Variants in OSBPL9 observed in about 807,000 individuals in gnomAD.
OSBPL9 encodes oxysterol binding protein like 9.
In OSBPL9, 40 loss-of-function variants were observed where a neutral mutation model predicts 106.6. That is an observed-to-expected ratio of 0.38 (90% CI 0.29 to 0.49). The LOEUF is 0.49. Among genes scored for constraint, OSBPL9 ranks in the 20% least tolerant of loss-of-function variants. The probability of loss-of-function intolerance (pLI) is 0.97; values close to 1 mark genes in which losing one functional copy is unlikely to be tolerated. For missense variants in OSBPL9, 609 were observed against 887.2 expected, an observed-to-expected ratio of 0.69 and a Z score of 3.98; for synonymous variants, 269 against 295.4, an observed-to-expected ratio of 0.91 and a Z score of 0.92.
chr1:51,652,598 TA>T (rs566817542), intron 2 of OSBPL9, among the ~76,000 whole-genome samples: 17 of 151,826 alleles, frequency 1.1e-4, no homozygotes, highest in African/African-American at 2.2e-4. Flanking sequence ...ATGTGATTAA[TA>T]AAAAAAAATT....
intron 1 of OSBPL9, among the ~76,000 whole-genome samples, chr1:51,580,942 A>G (rs1194679849): frequency 7.4e-3 from 6 of 816 alleles, no homozygotes; most frequent in African/African-American, 0.014. Flanking sequence ...ATATATATAT[A>G]TATATATATA....
chr1:51,757,981 G>C (rs1259706182), intron 9 of OSBPL9, among the ~76,000 whole-genome samples: 1 of 152,132 alleles, frequency 6.6e-6, no homozygotes, highest in African/African-American at 2.4e-5. Flanking sequence ...GATTAGGGCT[G>C]AGTAGTATTA....
At chr1:51,626,687 G>A (rs1644787807) in intron 1 of OSBPL9, among the ~76,000 whole-genome samples, 1 of 150,650 alleles carries the variant, frequency 6.6e-6, no homozygotes, top group Non-Finnish European at 1.5e-5. Context: ...TTTTTGTTTT[G>A]CTTTTTTTTT....
At chr1:51,669,879 G>T (rs528185918) in intron 3 of OSBPL9, 1 of 461,378 alleles carries the variant, frequency 2.2e-6, no homozygotes, top group African/African-American at 2.0e-5. Flanking sequence ...AAGACTGATT[G>T]TGAAGGTTGC....
In OSBPL9 at chr1:51,696,521, C is replaced by T. The variant is rs533901429; in HGVS notation, c.242-17482C>T. On this transcript the variant is annotated intron_variant, in intron 3 of 23. Transcript: ENST00000428468. ...AAAAGGCAAGTTCAGTGATTCTAGTCGTTGCCTCTTTCTGCACGTAAGATA... is the reference window on the plus strand; with the variant it reads ...AAAAGGCAAGTTCAGTGATTCTAGTTGTTGCCTCTTTCTGCACGTAAGATA... Among the ~76,000 whole-genome samples, 5 of 152,276 alleles carry T rather than the reference C, an allele frequency of 3.3e-5. No homozygotes were observed. The East Asian group carries it at 7.7e-4, about 24-fold the overall frequency.
At chr1:51,735,381 A>G (rs1665439661) in intron 4 of OSBPL9, among the ~76,000 whole-genome samples, 2 of 152,196 alleles carry the variant, frequency 1.3e-5, no homozygotes, top group Admixed American at 1.3e-4. Flanking sequence ...TTGATTAAAG[A>G]AAAGTTCAAA....
At chr1:51,743,605 A>G (rs1161509244) in intron 4 of OSBPL9, among the ~76,000 whole-genome samples, 2 of 152,172 alleles carry the variant, frequency 1.3e-5, no homozygotes, top group Admixed American at 6.5e-5. Context: ...TCATTTATGA[A>G]TATGCCATTA....
At chr1:51,552,282 G>A in the OSBPL9 span, among the ~76,000 whole-genome samples, 4 of 152,162 alleles carry the variant, frequency 2.6e-5, no homozygotes, top group Non-Finnish European at 5.9e-5. Context: ...ACTTACAACA[G>A]TGCTTTGAAC....
intron 2 of OSBPL9, among the ~76,000 whole-genome samples, chr1:51,657,744 A>G (rs1646902104): frequency 6.6e-6 from 1 of 152,206 alleles, no homozygotes; most frequent in African/African-American, 2.4e-5. Flanking sequence ...CATACTAGTC[A>G]AAAACAAAAC....
chr1:51,615,855 T>C (rs1203714166), upstream of OSBPL9, among the ~76,000 whole-genome samples: 2 of 152,140 alleles, frequency 1.3e-5, no homozygotes, highest in African/African-American at 2.4e-5. Flanking sequence ...TTATTTGCAG[T>C]GTTAATCAGT....
intron 6 of OSBPL9, 77 bp downstream of exon 6, chr1:51,746,834 G>T: frequency 3.5e-6 from 4 of 1,129,456 alleles, no homozygotes; most frequent in Non-Finnish European, 3.9e-6. Flanking sequence ...ATCTTAGTGT[G>T]TTTTTACTTA....
At chr1:51,762,003 T>TA in intron 11 of OSBPL9, 32 bp downstream of exon 11, 1 of 1,445,932 alleles carries the variant, frequency 6.9e-7, no homozygotes, top group Non-Finnish European at 9.7e-7. Flanking sequence ...TTATGTCTCA[T>TA]AACTCTATTA....
chr1:51,597,468 C>T (rs1219774822), intron 1 of OSBPL9, among the ~76,000 whole-genome samples: 5 of 149,040 alleles, frequency 3.4e-5, no homozygotes, highest in African/African-American at 9.9e-5. Context: ...TGTATATACA[C>T]ACACACACAA....
intron 1 of OSBPL9, among the ~76,000 whole-genome samples, chr1:51,643,344 TG>T (rs914721112): frequency 6.6e-6 from 1 of 152,232 alleles, no homozygotes; most frequent in African/African-American, 2.4e-5. Context: ...AGTGAAGGGT[TG>T]GCTATCTGCT....
chr1:51,728,656 A>G (rs964453548), intron 4 of OSBPL9, among the ~76,000 whole-genome samples: 3 of 152,158 alleles, frequency 2.0e-5, no homozygotes, highest in Admixed American at 6.5e-5. Context: ...AGGTATCTTT[A>G]ACACTGAGTC....
At chr1:51,739,940 T>G (rs1006858833) in intron 4 of OSBPL9, among the ~76,000 whole-genome samples, 1 of 152,076 alleles carries the variant, frequency 6.6e-6, no homozygotes, top group African/African-American at 2.4e-5. Flanking sequence ...TCTAAAAACT[T>G]AATTTGCTAA....
chr1:51,638,110 G>A (rs988250844), intron 1 of OSBPL9, among the ~76,000 whole-genome samples: 1 of 152,054 alleles, frequency 6.6e-6, no homozygotes, highest in African/African-American at 2.4e-5. Flanking sequence ...CCAGGATCTT[G>A]GAGAGACCCC....
chr1:51,752,816 A>G, intron 8 of OSBPL9: 1 of 263,908 alleles, frequency 3.8e-6, no homozygotes, highest in Admixed American at 4.2e-5. Context: ...TTATTGAATC[A>G]GGGCCCCACC....
chr1:51,643,907 C>T (rs1645972656), intron 1 of OSBPL9, among the ~76,000 whole-genome samples: 1 of 151,412 alleles, frequency 6.6e-6, no homozygotes, highest in African/African-American at 2.4e-5. Flanking sequence ...AGGCGAAACC[C>T]CTTCTCTACA....
Sources: gnomAD v4.1 joint callset for allele counts (sites outside exome capture counted in the v4.1 genomes callset) on GRCh38, gnomAD v4.1.1 for gene constraint, MANE v1.5 for transcripts, NCBI Gene and HGNC (gene_info 2026-07-23, HGNC 2026-07-21) for gene names.